The following GRM3 variants were observed in gnomAD, a reference collection of about 807,000 sequenced individuals.
GRM3 encodes metabotropic glutamate receptor 3.
Under a neutral mutation model 70.5 loss-of-function variants are expected in GRM3, and 26 were observed. The ratio of observed to expected loss-of-function variants is 0.37; its 90% CI spans 0.27 to 0.51. The LOEUF (loss-of-function observed/expected upper bound fraction) is 0.51. Ranked by LOEUF, GRM3 falls within the 20% of genes least tolerant of loss-of-function variation. The pLI is 0.93. For synonymous variants in GRM3, 443 were observed against 434.9 expected (o/e 1.02, Z -0.23); for missense variants, 859 against 1,123.8 (o/e 0.76, Z 3.37).
intron 1 of GRM3, among the ~76,000 whole-genome samples, chr7:86,733,827 T>C (rs1795795363): frequency 6.6e-6 from 1 of 152,156 alleles, no homozygotes; most frequent in African/African-American, 2.4e-5. Context: ...AGGCCATATG[T>C]ACAGCATTAG....
At chr7:86,813,121 TA>T (rs1413124111) in intron 3 of GRM3, among the ~76,000 whole-genome samples, 1 of 151,748 alleles carries the variant, frequency 6.6e-6, no homozygotes, top group East Asian at 1.9e-4. Context: ...AAGTACAACA[TA>T]AAAATAAATT....
intron 1 of GRM3, among the ~76,000 whole-genome samples, chr7:86,655,855 T>TGTGG (rs1354868563): frequency 4.1e-5 from 6 of 146,312 alleles, no homozygotes; most frequent in Admixed American, 6.8e-5. Context: ...TGTGTGTGGG[T>TGTGG]GGGTGGGTGT....
intron 1 of GRM3, among the ~76,000 whole-genome samples, chr7:86,723,063 T>C (rs1321047332): frequency 1.3e-5 from 2 of 152,110 alleles, no homozygotes; most frequent in African/African-American, 4.8e-5. Flanking sequence ...TGGAATTTGA[T>C]TTTGTGCCTG....
intron 1 of GRM3, among the ~76,000 whole-genome samples, chr7:86,727,544 G>A (rs947609160): frequency 6.6e-6 from 1 of 152,168 alleles, no homozygotes; most frequent in Non-Finnish European, 1.5e-5. Context: ...TCACTAGACA[G>A]TAAATTTCTT....
At chr7:86,798,935 G>C (rs943779183) in intron 3 of GRM3, among the ~76,000 whole-genome samples, 1 of 152,128 alleles carries the variant, frequency 6.6e-6, no homozygotes, top group African/African-American at 2.4e-5. Flanking sequence ...CCATGATTGA[G>C]GCCTACCCAG....
At chr7:86,850,337 GC>G in intron 4 of GRM3, 32 bp from the exon 5 acceptor site, 1 of 1,549,290 alleles carries the variant, frequency 6.5e-7, no homozygotes, top group Non-Finnish European at 8.9e-7. Flanking sequence ...TGAATGTACA[GC>G]CAGACACTTA....
At chr7:86,844,369 TAGAAA>T (rs780662133) in intron 4 of GRM3, among the ~76,000 whole-genome samples, 7 of 152,190 alleles carry the variant, frequency 4.6e-5, no homozygotes, top group Admixed American at 6.5e-5. Context: ...AAAAATATCT[TAGAAA>T]AGAAAAGCAT....
chr7:86,757,417 G>C (rs1796371210), intron 1 of GRM3, among the ~76,000 whole-genome samples: 1 of 152,126 alleles, frequency 6.6e-6, no homozygotes, highest in African/African-American at 2.4e-5. Flanking sequence ...CTATGACATG[G>C]CCCTAATTCC....
intron 3 of GRM3, among the ~76,000 whole-genome samples, chr7:86,811,551 C>A (rs527961017): frequency 3.3e-5 from 5 of 151,664 alleles, no homozygotes; most frequent in Admixed American, 6.6e-5. Context: ...GACAAATATT[C>A]CCCAAACCCT....
At chr7:86,732,809 A>C (rs567068100) in intron 1 of GRM3, among the ~76,000 whole-genome samples, 1 of 152,298 alleles carries the variant, frequency 6.6e-6, no homozygotes, top group South Asian at 2.1e-4. Flanking sequence ...CATTTATTTC[A>C]CAGAAGAATA....
At chr7:86,763,975 C>T (rs1052702064) in intron 1 of GRM3, among the ~76,000 whole-genome samples, 5 of 152,050 alleles carry the variant, frequency 3.3e-5, no homozygotes, top group Admixed American at 6.6e-5. Context: ...AGATGTTAAG[C>T]GGTTAGATTC....
intron 5 of GRM3, among the ~76,000 whole-genome samples, chr7:86,854,780 A>G (rs953233484): frequency 3.9e-5 from 6 of 152,188 alleles, no homozygotes; most frequent in Admixed American, 2.6e-4. Flanking sequence ...TGTCTGCTTC[A>G]TCCACTGATA....
At chr7:86,852,642 A>C (rs922190347) in intron 5 of GRM3, among the ~76,000 whole-genome samples, 1 of 152,168 alleles carries the variant, frequency 6.6e-6, no homozygotes, top group Non-Finnish European at 1.5e-5. Flanking sequence ...TCATTGTTTC[A>C]GCAATATTTC....
Position 86,765,006 on chromosome 7 carries a change from G to A in GRM3, c.-140G>A. 1.4e-6 allele frequency: 2 copies of A among 1,465,744 alleles called. No homozygotes were observed. Among genetic ancestry groups the A allele is most frequent in the Non-Finnish European group, 1.8e-6 (2 of 1,116,282 alleles). The allele number at this position is 1,465,744 out of a possible 1,614,324, so 90.8% of individuals were successfully genotyped here. ...GTTCATATAATTTTTATCTCTTTAG[G>A]AATTTTGTGACAGGCTCTGTTAGTC... On this transcript the variant is annotated splice_region_variant and 5_prime_UTR_variant, in exon 2 of 6. Transcript: ENST00000361669.
intron 1 of GRM3, among the ~76,000 whole-genome samples, chr7:86,701,913 G>A (rs912184971): frequency 2.0e-5 from 3 of 151,762 alleles, no homozygotes; most frequent in African/African-American, 2.4e-5. Context: ...TACTCTTAAG[G>A]TAAGCATATC....
At chr7:86,660,703 C>T (rs1193300488) in intron 1 of GRM3, among the ~76,000 whole-genome samples, 2 of 151,800 alleles carry the variant, frequency 1.3e-5, no homozygotes, top group African/African-American at 4.8e-5. Flanking sequence ...GCAGTTCTAG[C>T]AAAGAGGAGG....
chr7:86,796,643 C>A (rs1797557511), intron 3 of GRM3, among the ~76,000 whole-genome samples: 1 of 152,138 alleles, frequency 6.6e-6, no homozygotes, highest in Non-Finnish European at 1.5e-5. Context: ...CTATAAATTA[C>A]TTTGGGCAGT....
intron 1 of GRM3, among the ~76,000 whole-genome samples, chr7:86,718,841 T>G (rs1278806387): frequency 6.6e-6 from 1 of 151,976 alleles, no homozygotes; most frequent in African/African-American, 2.4e-5. Context: ...AAACTTCTCT[T>G]GTAAGAATCA....
At chr7:86,811,710 C>T (rs960640684) in intron 3 of GRM3, among the ~76,000 whole-genome samples, 9 of 151,634 alleles carry the variant, frequency 5.9e-5, no homozygotes, top group South Asian at 2.1e-4. Flanking sequence ...TTTAAAGTAA[C>T]GTAACAATTT....
Sources: allele counts gnomAD v4.1 joint callset (sites outside exome capture counted in the v4.1 genomes callset), GRCh38; gene constraint gnomAD v4.1.1; transcripts MANE v1.5; gene names NCBI Gene and HGNC (gene_info 2026-07-23, HGNC 2026-07-21).